GALNTL6: variants seen among roughly 807,000 people sequenced by gnomAD.
The protein encoded by GALNTL6 is polypeptide N-acetylgalactosaminyltransferase-like 6.
In GALNTL6, 46 loss-of-function variants were observed where a neutral mutation model predicts 73.7. The ratio of observed to expected loss-of-function variants is 0.62; its 90% CI spans 0.49 to 0.80. GALNTL6 has a LOEUF of 0.80. GALNTL6 is among the 30% of genes least tolerant of loss of function. The pLI is 0.00. For synonymous variants in GALNTL6, 259 were observed against 263.7 expected (o/e 0.98, Z 0.17); for missense variants, 604 against 755.0 (o/e 0.80, Z 2.34).
chr4:172,051,702 G>A (rs889991606), intron 2 of GALNTL6, among the ~76,000 whole-genome samples: 1 of 152,152 alleles, frequency 6.6e-6, no homozygotes, highest in African/African-American at 2.4e-5. Flanking sequence ...GCACAGGATA[G>A]GGGAGCATGG....
At chr4:172,496,508 A>G (rs1734076709) in intron 5 of GALNTL6, among the ~76,000 whole-genome samples, 1 of 152,086 alleles carries the variant, frequency 6.6e-6, no homozygotes, top group South Asian at 2.1e-4. Context: ...TGGGCAACAT[A>G]GTGAGATATC....
At chr4:172,963,411 T>C (rs2610215) in intron 10 of GALNTL6, among the ~76,000 whole-genome samples, 33,454 of 152,090 alleles carry the variant, frequency 0.22, 4,167 homozygotes, top group African/African-American at 0.34. Flanking sequence ...TAACAAGCCA[T>C]GTAATTTATT....
chr4:172,286,614 A>G (rs532790201), intron 3 of GALNTL6, among the ~76,000 whole-genome samples: 2 of 152,302 alleles, frequency 1.3e-5, no homozygotes, highest in East Asian at 1.9e-4. Context: ...GGACTCAGGA[A>G]TTATATAAAG....
intron 7 of GALNTL6, among the ~76,000 whole-genome samples, chr4:172,846,653 G>C (rs1743525403): frequency 6.6e-6 from 1 of 152,152 alleles, no homozygotes; most frequent in South Asian, 2.1e-4. Context: ...CTAGTAGCAT[G>C]AGTGGACCTC....
chr4:171,904,697 T>G (rs28807217), intron 2 of GALNTL6, among the ~76,000 whole-genome samples: 36,649 of 151,686 alleles, frequency 0.24, 4,578 homozygotes, highest in Middle Eastern at 0.34. Flanking sequence ...AATTATCAGA[T>G]TCACCAAAGT....
intron 5 of GALNTL6, among the ~76,000 whole-genome samples, chr4:172,772,154 A>C (rs1416953746): frequency 6.6e-6 from 1 of 152,222 alleles, no homozygotes; most frequent in African/African-American, 2.4e-5. Context: ...GAGCATGGGA[A>C]AGACCTACTC....
At chr4:172,676,439 A>C (rs1440318538) in intron 5 of GALNTL6, among the ~76,000 whole-genome samples, 1 of 152,184 alleles carries the variant, frequency 6.6e-6, no homozygotes, top group Non-Finnish European at 1.5e-5. Flanking sequence ...ATAGACGTCT[A>C]TTCTACTGCA....
intron 4 of GALNTL6, among the ~76,000 whole-genome samples, chr4:172,322,708 A>G (rs1177639969): frequency 6.6e-6 from 1 of 152,090 alleles, no homozygotes; most frequent in Non-Finnish European, 1.5e-5. Context: ...TAGCACTAGG[A>G]GGATGGTGCT....
intron 5 of GALNTL6, among the ~76,000 whole-genome samples, chr4:172,457,798 T>C (rs1732451900): frequency 6.6e-6 from 1 of 152,160 alleles, no homozygotes; most frequent in Non-Finnish European, 1.5e-5. Context: ...ATTAGACGTA[T>C]CAACGAGACA....
chr4:171,884,202 T>G (rs1736545411), intron 2 of GALNTL6, among the ~76,000 whole-genome samples: 1 of 152,206 alleles, frequency 6.6e-6, no homozygotes, highest in South Asian at 2.1e-4. Flanking sequence ...TCTTTGCCTT[T>G]TTTCTTTCAT....
At chr4:173,009,590 AG>A (rs1031261072) in intron 11 of GALNTL6, among the ~76,000 whole-genome samples, 1 of 152,244 alleles carries the variant, frequency 6.6e-6, no homozygotes, top group African/African-American at 2.4e-5. Context: ...TTCTTTTCCC[AG>A]AATGGTAGTT....
intron 5 of GALNTL6, among the ~76,000 whole-genome samples, chr4:172,627,339 A>T (rs181224615): frequency 6.6e-6 from 1 of 152,232 alleles, no homozygotes. Flanking sequence ...CCCAGTAATC[A>T]AGCATTCTTG....
chr4:172,027,397 C>T (rs1741620621), intron 2 of GALNTL6, among the ~76,000 whole-genome samples: 1 of 152,078 alleles, frequency 6.6e-6, no homozygotes, highest in Admixed American at 6.6e-5. Context: ...GATCTGTGAT[C>T]AGTGATCTTT....
chr4:172,261,178 G>T (rs1738245913), intron 3 of GALNTL6, among the ~76,000 whole-genome samples: 1 of 151,416 alleles, frequency 6.6e-6, no homozygotes, highest in Admixed American at 6.6e-5. Context: ...CAGTAAGATT[G>T]GTACCAGTTC....
intron 5 of GALNTL6, among the ~76,000 whole-genome samples, chr4:172,355,176 A>G (rs1742106530): frequency 6.6e-6 from 1 of 152,104 alleles, no homozygotes. Context: ...TATGGAGATA[A>G]TATCTTCTGT....
chr4:172,520,560 G>T (rs1324565536), intron 5 of GALNTL6, among the ~76,000 whole-genome samples: 13 of 147,074 alleles, frequency 8.8e-5, no homozygotes, highest in African/African-American at 3.0e-4. Context: ...TTTTTCAACT[G>T]GATTAAAAAT....
rs541269200 is a variant in GALNTL6 at position 173,024,555 on chromosome 4, G to A, written c.1638+2930G>A. 6.2e-4 allele frequency among the ~76,000 whole-genome samples: 95 copies of A among 152,216 alleles called. 1 individual carries two copies. Among genetic ancestry groups the A allele is most frequent in the Non-Finnish European group, 1.2e-3 (83 of 67,988 alleles). ...CTTATCTATTTGGATGCAGTACTTG[G>A]CTCTGGGGGCTTCTGGCAGTTTTAG... is the stretch of plus-strand genomic sequence containing the variant. On this transcript the variant is annotated intron_variant, in intron 12 of 12. Transcript: ENST00000506823.
intron 10 of GALNTL6, among the ~76,000 whole-genome samples, chr4:172,975,036 T>C (rs1166851390): frequency 6.6e-6 from 1 of 152,220 alleles, no homozygotes; most frequent in Admixed American, 6.5e-5. Context: ...TCTTCTCTCC[T>C]TCTGGTTGCC....
intron 5 of GALNTL6, among the ~76,000 whole-genome samples, chr4:172,389,529 T>A (rs2111299771): frequency 6.6e-6 from 1 of 152,236 alleles, no homozygotes; most frequent in Non-Finnish European, 1.5e-5. Context: ...TGTAATAAGT[T>A]CTGTTTATGT....
Sources: gnomAD v4.1 joint callset for allele counts (sites outside exome capture counted in the v4.1 genomes callset) on GRCh38, gnomAD v4.1.1 for gene constraint, MANE v1.5 for transcripts, NCBI Gene and HGNC (gene_info 2026-07-23, HGNC 2026-07-21) for gene names.